NPAS3: variants seen among roughly 807,000 people sequenced by gnomAD.
NPAS3 encodes neuronal PAS domain protein 3.
Under a neutral mutation model 73.1 loss-of-function variants are expected in NPAS3, and 14 were observed. The observed-to-expected ratio is 0.19, with a 90% CI of 0.13 to 0.30. The LOEUF (loss-of-function observed/expected upper bound fraction) is 0.30, where lower values mean the gene tolerates loss of function less well. Among genes scored for constraint, NPAS3 ranks in the 10% least tolerant of loss-of-function variants. NPAS3 has a pLI of 1.00. For missense variants in NPAS3, 1,096 were observed against 1,250.0 expected (o/e 0.88, Z 1.86); for synonymous variants, 620 against 541.5 (o/e 1.14, Z -2.01).
intron 3 of NPAS3, among the ~76,000 whole-genome samples, chr14:33,239,437 GT>G (rs1555361036): frequency 6.6e-6 from 1 of 151,822 alleles, no homozygotes; most frequent in Non-Finnish European, 1.5e-5. Flanking sequence ...TAACAAAACA[GT>G]TTTTTCAAGG....
chr14:33,024,797 C>T (rs1373842829), intron 1 of NPAS3, among the ~76,000 whole-genome samples: 1 of 152,138 alleles, frequency 6.6e-6, no homozygotes, highest in Non-Finnish European at 1.5e-5. Context: ...TTATGTGTAT[C>T]TGTAGTTTTC....
At chr14:33,455,923 T>C (rs2050003009) in intron 4 of NPAS3, among the ~76,000 whole-genome samples, 1 of 152,204 alleles carries the variant, frequency 6.6e-6, no homozygotes, top group African/African-American at 2.4e-5. Context: ...ATTTAAACTA[T>C]CTAGTAAGAC....
At chr14:33,438,801 C>T (rs1177957665) in intron 4 of NPAS3, among the ~76,000 whole-genome samples, 1 of 152,122 alleles carries the variant, frequency 6.6e-6, no homozygotes, top group Admixed American at 6.6e-5. Context: ...TAAAAATTTT[C>T]CACGTTGGTT....
chr14:33,483,010 A>G (rs1009724606), intron 4 of NPAS3, among the ~76,000 whole-genome samples: 2 of 152,214 alleles, frequency 1.3e-5, no homozygotes, highest in Non-Finnish European at 1.5e-5. Context: ...GCTAGATGAC[A>G]GTGTTTGTTT....
chr14:33,481,197 G>T (rs1156822094), intron 4 of NPAS3, among the ~76,000 whole-genome samples: 1 of 152,148 alleles, frequency 6.6e-6, no homozygotes, highest in Non-Finnish European at 1.5e-5. Flanking sequence ...CTGCAGACTT[G>T]GTTCAAATCT....
intron 9 of NPAS3, among the ~76,000 whole-genome samples, chr14:33,786,608 C>T (rs368411653): frequency 6.6e-5 from 10 of 152,190 alleles, no homozygotes; most frequent in Non-Finnish European, 1.2e-4. Flanking sequence ...ACGCCCTTTG[C>T]GCTTTCATAG....
chr14:33,297,876 C>T (rs1177290052), intron 3 of NPAS3, among the ~76,000 whole-genome samples: 3 of 152,204 alleles, frequency 2.0e-5, no homozygotes, highest in Non-Finnish European at 4.4e-5. Context: ...TCCAAGTTTT[C>T]AGGCAGCTTC....
chr14:33,028,863 A>T (rs1426447843), intron 1 of NPAS3, among the ~76,000 whole-genome samples: 1 of 152,092 alleles, frequency 6.6e-6, no homozygotes, highest in African/African-American at 2.4e-5. Flanking sequence ...TATGTGTAGG[A>T]TGCGCAGGTT....
chr14:33,715,777 G>A (rs559208629), intron 6 of NPAS3, among the ~76,000 whole-genome samples: 57 of 152,316 alleles, frequency 3.7e-4, no homozygotes, highest in African/African-American at 1.3e-3. Flanking sequence ...ATCCCCACGT[G>A]TCATTCGAGG....
chr14:33,002,281 C>T (rs1287375708), intron 1 of NPAS3, among the ~76,000 whole-genome samples: 3 of 152,150 alleles, frequency 2.0e-5, no homozygotes, highest in Non-Finnish European at 4.4e-5. Flanking sequence ...TAACTAGGCA[C>T]ACAATGATTA....
chr14:33,334,648 C>A (rs938881474), intron 3 of NPAS3, among the ~76,000 whole-genome samples: 1 of 152,282 alleles, frequency 6.6e-6, no homozygotes, highest in Admixed American at 6.5e-5. Context: ...GAGTCTTAGG[C>A]ACCATCTGAT....
intron 2 of NPAS3, among the ~76,000 whole-genome samples, chr14:33,139,886 T>G (rs879474775): frequency 3.3e-5 from 5 of 152,054 alleles, no homozygotes; most frequent in Admixed American, 6.6e-5. Context: ...TTCCACGTGC[T>G]TTCCCTGTCT....
intron 6 of NPAS3, among the ~76,000 whole-genome samples, chr14:33,679,118 G>A (rs1000328645): frequency 3.3e-5 from 5 of 152,174 alleles, no homozygotes; most frequent in African/African-American, 1.2e-4. Flanking sequence ...TAGTGAGATT[G>A]AAAACTCTGC....
intron 1 of NPAS3, among the ~76,000 whole-genome samples, chr14:32,952,520 G>A (rs757374432): frequency 2.6e-5 from 4 of 151,842 alleles, no homozygotes; most frequent in Non-Finnish European, 5.9e-5. Flanking sequence ...CCCATACCAC[G>A]CATATAGATA....
At chr14:33,647,125 G>A (rs1416995129) in intron 5 of NPAS3, among the ~76,000 whole-genome samples, 1 of 152,126 alleles carries the variant, frequency 6.6e-6, no homozygotes, top group Admixed American at 6.5e-5. Flanking sequence ...AGGCTCAACT[G>A]TGTGATATGA....
intron 3 of NPAS3, among the ~76,000 whole-genome samples, chr14:33,288,688 GT>G (rs2041976688): frequency 1.3e-5 from 2 of 151,922 alleles, no homozygotes; most frequent in East Asian, 3.9e-4. Flanking sequence ...CGGGGGAAGA[GT>G]TTTTGGGGCT....
At chr14:33,160,528 T>G (rs1478735223) in intron 2 of NPAS3, among the ~76,000 whole-genome samples, 1 of 148,670 alleles carries the variant, frequency 6.7e-6, no homozygotes, top group Non-Finnish European at 1.5e-5. Context: ...CATTAGGAGA[T>G]ATACCTAATG....
chr14:33,326,613 G>A (rs2140257562), intron 3 of NPAS3, among the ~76,000 whole-genome samples: 1 of 152,314 alleles, frequency 6.6e-6, no homozygotes, highest in Non-Finnish European at 1.5e-5. Context: ...AAATCTAACT[G>A]CCAATGTAAG....
intron 3 of NPAS3, among the ~76,000 whole-genome samples, chr14:33,312,864 T>G (rs1490337024): frequency 1.3e-5 from 2 of 152,056 alleles, no homozygotes. Flanking sequence ...ATTTATAATT[T>G]TATTAACTCA....
Sources: allele counts gnomAD v4.1 joint callset (sites outside exome capture counted in the v4.1 genomes callset), GRCh38; gene constraint gnomAD v4.1.1; transcripts MANE v1.5; gene names NCBI Gene and HGNC (gene_info 2026-07-23, HGNC 2026-07-21).